Variants in FAM107B observed in about 807,000 individuals in gnomAD.
FAM107B encodes the protein family with sequence similarity 107 member B.
A neutral mutation model predicts 31.5 loss-of-function variants in FAM107B; 21 were observed. The observed-to-expected ratio is 0.67, with a 90% CI of 0.47 to 0.96. The LOEUF (loss-of-function observed/expected upper bound fraction) is 0.96, where lower values mean the gene tolerates loss of function less well. Ranked by LOEUF, FAM107B falls within the 40% of genes least tolerant of loss-of-function variation. The probability of loss-of-function intolerance (pLI) is 0.00; values close to 1 mark genes in which losing one functional copy is unlikely to be tolerated. For synonymous variants in FAM107B, 157 were observed against 141.5 expected, an observed-to-expected ratio of 1.11 and a Z score of -0.78; for missense variants, 452 against 377.1, an observed-to-expected ratio of 1.20 and a Z score of -1.64.
chr10:14,744,597 T>G (rs57050818), intron 1 of FAM107B, among the ~76,000 whole-genome samples: 1 of 152,146 alleles, frequency 6.6e-6, no homozygotes, highest in Non-Finnish European at 1.5e-5. Flanking sequence ...GTGTCTATTG[T>G]GATAATCATG....
chr10:14,546,801 G>A (rs1427279222), intron 2 of FAM107B, among the ~76,000 whole-genome samples: 1 of 152,148 alleles, frequency 6.6e-6, no homozygotes, highest in Non-Finnish European at 1.5e-5. Flanking sequence ...GTAAAGACCA[G>A]TCTAATTGAC....
At chr10:14,611,366 C>T (rs4568898) in intron 2 of FAM107B, among the ~76,000 whole-genome samples, 2,275 of 151,924 alleles carry the variant, frequency 0.015, 62 homozygotes, top group African/African-American at 0.048. Context: ...GAACATTCTA[C>T]AGTTTGCTCC....
intron 1 of FAM107B, among the ~76,000 whole-genome samples, chr10:14,709,223 CCA>C (rs1855585829): frequency 1.3e-5 from 2 of 152,164 alleles, no homozygotes. Context: ...AAACGTATGT[CCA>C]CACAAAGAAA....
chr10:14,560,082 G>C (rs1850107046), intron 2 of FAM107B, among the ~76,000 whole-genome samples: 1 of 152,100 alleles, frequency 6.6e-6, no homozygotes, highest in Admixed American at 6.6e-5. Flanking sequence ...CTACTCAATA[G>C]CCTGATCCAG....
rs1383507079 is a variant in FAM107B, at chr10:14,520,902, C to G, written c.*288G>C. The G allele has an allele frequency of 9.4e-6, 3 of 317,870 alleles. No homozygotes were observed. The highest frequency in any genetic ancestry group is 6.4e-5 in the African/African-American group (3 of 46,722). 19.7% of individuals were successfully genotyped at this position (317,870 alleles called of 1,614,324 possible). A position where few individuals can be genotyped will look rare whatever the true frequency, so the allele number is the denominator to read the frequency against. On this transcript the variant is annotated 3_prime_UTR_variant, in exon 5 of 5. Coordinates refer to ENST00000181796, the MANE Select transcript of FAM107B (RefSeq NM_031453.4). Reference sequence around the variant, plus strand: ...AAGAATTGATTCCAGTGTCCTCTTCCTTTTTCCTGTTCTCACTTGTTTTGC... The same window carrying G: ...AAGAATTGATTCCAGTGTCCTCTTCGTTTTTCCTGTTCTCACTTGTTTTGC...
chr10:14,614,687 A>AT, intron 2 of FAM107B, among the ~76,000 whole-genome samples: 1 of 151,746 alleles, frequency 6.6e-6, no homozygotes, highest in East Asian at 1.9e-4. Context: ...AAAAAAAAAA[A>AT]AAAAAAAAGA....
At chr10:14,621,793 G>A (rs1005973691) in intron 2 of FAM107B, among the ~76,000 whole-genome samples, 13 of 151,520 alleles carry the variant, frequency 8.6e-5, no homozygotes, top group African/African-American at 2.7e-4. Context: ...TCCACAGCTC[G>A]CTTGTTAGCT....
rs542759518 is a variant in FAM107B, at chr10:14,538,000, C to G, written c.470-7485G>C. Reference sequence around the variant, plus strand: ...CCAAGGTTACCAAGCTGCTTAAGAGCAGGACCAAGATTTGACCTTGAGTCT... The same window carrying G: ...CCAAGGTTACCAAGCTGCTTAAGAGGAGGACCAAGATTTGACCTTGAGTCT... On this transcript the variant is annotated intron_variant, in intron 2 of 4. Transcript: ENST00000181796. Among the ~76,000 whole-genome samples, 6 of 152,228 alleles carry G rather than the reference C, an allele frequency of 3.9e-5. No individual in the cohort carries two copies. The East Asian group carries it at 7.7e-4, about 20-fold the overall frequency.
intron 2 of FAM107B, among the ~76,000 whole-genome samples, chr10:14,660,061 C>T (rs1169712005): frequency 6.6e-6 from 1 of 152,166 alleles, no homozygotes; most frequent in Non-Finnish European, 1.5e-5. Context: ...CTGGGCTCCA[C>T]TCAGTTCTAG....
At chr10:14,648,907 A>G (rs1014201218) in intron 2 of FAM107B, among the ~76,000 whole-genome samples, 3 of 152,234 alleles carry the variant, frequency 2.0e-5, no homozygotes, top group African/African-American at 7.2e-5. Context: ...CAATTCCCCT[A>G]AAGAAGCTTC....
intron 2 of FAM107B, among the ~76,000 whole-genome samples, chr10:14,624,717 C>T (rs1265784827): frequency 1.3e-5 from 2 of 152,080 alleles, no homozygotes; most frequent in Non-Finnish European, 2.9e-5. Flanking sequence ...TAACAAGCTG[C>T]ACTCATGACA....
At chr10:14,710,431 TACACACACACACACACACACACAC>T (rs57418409) in intron 1 of FAM107B, among the ~76,000 whole-genome samples, 5 of 146,420 alleles carry the variant, frequency 3.4e-5, no homozygotes, top group Non-Finnish European at 7.5e-5. Context: ...TCTCTAAAAA[TACACACACACACACACACACACAC>T]ACACACACAC....
chr10:14,641,161 C>A (rs528461028), intron 2 of FAM107B, among the ~76,000 whole-genome samples: 3 of 152,240 alleles, frequency 2.0e-5, no homozygotes, highest in African/African-American at 4.8e-5. Flanking sequence ...AGCCCTACCA[C>A]CTTCTGTAGT....
chr10:14,558,037 G>A (rs1319715953), intron 2 of FAM107B, among the ~76,000 whole-genome samples: 2 of 152,178 alleles, frequency 1.3e-5, no homozygotes, highest in East Asian at 1.9e-4. Flanking sequence ...GCTCCTCCCC[G>A]TGAGTCCAGG....
At chr10:14,676,372 G>A (rs116611702) in intron 1 of FAM107B, among the ~76,000 whole-genome samples, 7 of 151,924 alleles carry the variant, frequency 4.6e-5, no homozygotes, top group Admixed American at 1.3e-4. Context: ...ATAAGCCATC[G>A]GTAGCCCACT....
chr10:14,519,912 G>C lies in FAM107B; in HGVS notation c.*1278C>G, dbSNP rs1009586075. ...GCAGTTTAAAACTAATTTTGCATGA[G>C]AATGCGGCTGCTGTCTGTAACTCGG... On this transcript the variant is annotated 3_prime_UTR_variant, in exon 5 of 5. Coordinates refer to ENST00000181796, the MANE Select transcript of FAM107B (RefSeq NM_031453.4). 6.6e-6 allele frequency: 1 copy of C among 152,624 alleles called. No homozygotes were observed. The highest frequency in any genetic ancestry group is 2.4e-5 in the African/African-American group (1 of 41,456). The allele number at this position is 152,624 out of a possible 1,614,324, so 9.5% of individuals were successfully genotyped here. A position where few individuals can be genotyped will look rare whatever the true frequency, so the allele number is the denominator to read the frequency against.
intron 2 of FAM107B, chr10:14,553,534 C>T: frequency 2.7e-6 from 1 of 372,410 alleles, no homozygotes; most frequent in Non-Finnish European, 5.0e-6. Context: ...GTTCTCTGGT[C>T]CCTGGTACCA....
At position 14,572,739 on chromosome 10, in the gene FAM107B, T is replaced by TTATA. The variant is rs61477094; in HGVS notation, c.470-42228_470-42225dup. Among the ~76,000 whole-genome samples the TTATA allele has an allele frequency of 4.7e-4, 43 of 91,990 alleles. 2 individuals carry two copies. The highest frequency in any genetic ancestry group is 8.0e-4 in the African/African-American group (21 of 26,214). The allele number at this position is 91,990 out of a possible 152,430, so 60.3% of individuals were successfully genotyped here. A position where few individuals can be genotyped will look rare whatever the true frequency, so the allele number is the denominator to read the frequency against. On this transcript the variant is annotated intron_variant, in intron 2 of 4. Transcript: ENST00000181796. ...CATCTCTTCAAAAAAAAAAAAAAAT[T>TTATA]TATATATATATATATATATATTAGA...
At chr10:14,640,831 C>T (rs1284915530) in intron 2 of FAM107B, among the ~76,000 whole-genome samples, 1 of 152,122 alleles carries the variant, frequency 6.6e-6, no homozygotes. Context: ...CAAAACACTC[C>T]CAAAGGATAT....
Sources: allele counts gnomAD v4.1 joint callset (sites outside exome capture counted in the v4.1 genomes callset), GRCh38; gene constraint gnomAD v4.1.1; transcripts MANE v1.5; gene names NCBI Gene and HGNC (gene_info 2026-07-23, HGNC 2026-07-21).